Variants in ALDH1A2 observed in about 807,000 individuals in gnomAD.
The protein encoded by ALDH1A2 is aldehyde dehydrogenase 1 family member A2, also known as retinal dehydrogenase 2.
In ALDH1A2, 27 loss-of-function variants were observed where a neutral mutation model predicts 60.3. The observed-to-expected ratio is 0.45, with a 90% CI of 0.33 to 0.62. The LOEUF is 0.62. Among genes scored for constraint, ALDH1A2 ranks in the 20% least tolerant of loss-of-function variants. The pLI is 0.02. For synonymous variants in ALDH1A2, 289 were observed against 232.4 expected (o/e 1.24, Z -2.21); for missense variants, 581 against 643.8 (o/e 0.90, Z 1.06).
Position 57,962,099 on chromosome 15 carries a change from T to A in ALDH1A2, c.1164A>T (p.Gly388=). 1.2e-6 allele frequency: 2 copies of A among 1,614,162 alleles called. No homozygotes were observed. The highest frequency in any genetic ancestry group is 1.7e-6 in the Non-Finnish European group (2 of 1,180,014). ...GVAEGAKLEC[G]GKGLGRKGFF... is the part of the protein sequence containing the mutation. ...ACCCCTTTCGGCCCAGTCCTTTGCC[T>A]CCACATTCCAGCTTGGCGCCCTCAG... is the stretch of plus-strand genomic sequence containing the variant. Residue 388 remains glycine (G), a synonymous_variant, in exon 10 of 13, where the codon GGA becomes GGT. Coordinates refer to ENST00000249750, the MANE Select transcript of ALDH1A2 (RefSeq NM_003888.4).
chr15:58,038,494 G>A (rs1896432616), intron 1 of ALDH1A2: 1 of 151,714 alleles, frequency 6.6e-6, no homozygotes, highest in South Asian at 2.1e-4. Flanking sequence ...CCAGTTACGT[G>A]TAATCAGGGT....
chr15:58,002,756 C>G lies in ALDH1A2; in HGVS notation c.494-7617G>C, dbSNP rs909847865. ...GTAACACAATTCAGTGAATGAAGGT[C>G]ATCTTCCAATCCCTAATTTGTAGAC... On this transcript the variant is annotated intron_variant, in intron 4 of 12. Coordinates refer to ENST00000249750, the MANE Select transcript of ALDH1A2 (RefSeq NM_003888.4). 2.6e-5 allele frequency among the ~76,000 whole-genome samples: 4 copies of G among 151,918 alleles called. 1 individual carries two copies. Among genetic ancestry groups the G allele is most frequent in the Non-Finnish European group, 4.4e-5 (3 of 67,902 alleles).
intron 4 of ALDH1A2, among the ~76,000 whole-genome samples, chr15:58,004,793 T>C (rs1431867649): frequency 6.7e-6 from 1 of 148,846 alleles, no homozygotes. Flanking sequence ...TTATTTACAA[T>C]AGCCCCTCCA....
At chr15:58,012,847 A>G (rs1200501629) in intron 3 of ALDH1A2, among the ~76,000 whole-genome samples, 1 of 152,124 alleles carries the variant, frequency 6.6e-6, no homozygotes, top group East Asian at 1.9e-4. Flanking sequence ...CTATTTTCCC[A>G]AGTAGGGGAA....
intron 7 of ALDH1A2, among the ~76,000 whole-genome samples, chr15:57,989,004 TTAAGATAAAAAAAA>T (rs1894805287): frequency 8.4e-6 from 1 of 118,820 alleles, no homozygotes; most frequent in Non-Finnish European, 2.0e-5. Context: ...CCATCTCTAC[TTAAGATAAAAAAAA>T]TTAGCCAGGC....
intron 8 of ALDH1A2, chr15:57,964,362 G>T: frequency 2.8e-6 from 1 of 352,088 alleles, no homozygotes; most frequent in Non-Finnish European, 5.3e-6. Flanking sequence ...GGGAGATAAG[G>T]TACAGGTATG....
chr15:57,961,883 G>C, intron 10 of ALDH1A2, 129 bp downstream of exon 10: 1 of 1,298,350 alleles, frequency 7.7e-7, no homozygotes, highest in Non-Finnish European at 1.1e-6. Flanking sequence ...TCATAGCCAT[G>C]TTCATTACTG....
Position 57,954,852 on chromosome 15 carries a change from TGAGAG to T in ALDH1A2, c.*340_*344del, listed in dbSNP as rs753920947. 1 of 333,008 alleles carries T rather than the reference TGAGAG, an allele frequency of 3.0e-6. No individual in the cohort carries two copies. The highest frequency in any genetic ancestry group is 2.1e-5 in the African/African-American group (1 of 47,748). The allele number at this position is 333,008 out of a possible 1,614,324, so 20.6% of individuals were successfully genotyped here. ...AGACAGGAGAAAGGTCACCTTTCCT[TGAGAG>T]GAAAGTTCTTTGTGACAAAGACATG... On this transcript the variant is annotated 3_prime_UTR_variant, in exon 13 of 13. Coordinates refer to ENST00000249750, the MANE Select transcript of ALDH1A2 (RefSeq NM_003888.4).
intron 7 of ALDH1A2, chr15:57,979,893 G>A: frequency 2.8e-6 from 1 of 360,204 alleles, no homozygotes; most frequent in Non-Finnish European, 5.7e-6. Context: ...TACCCTGGGT[G>A]TAGCCCATCT....
chr15:57,988,991 A>T (rs1438222907), intron 7 of ALDH1A2, among the ~76,000 whole-genome samples: 2 of 145,988 alleles, frequency 1.4e-5, no homozygotes, highest in African/African-American at 5.0e-5. Flanking sequence ...ACATGGTGAA[A>T]CCCCATCTCT....
chr15:58,008,647 G>T (rs529529662), intron 4 of ALDH1A2, among the ~76,000 whole-genome samples: 8 of 152,186 alleles, frequency 5.3e-5, no homozygotes, highest in African/African-American at 1.7e-4. Context: ...TAAATAGTTT[G>T]AAAAGATATT....
rs1383775611 is a variant in ALDH1A2 at position 58,014,297 on chromosome 15, A to G, written c.118-16T>C. 6.3e-7 allele frequency: 1 copy of G among 1,591,656 alleles called. No individual in the cohort carries two copies. The highest frequency in any genetic ancestry group is 2.2e-5 in the East Asian group (1 of 44,796). On this transcript the variant is annotated splice_polypyrimidine_tract_variant and intron_variant, in intron 1 of 12. Transcript: ENST00000249750. ...TTATAAAGATCTAAGGGAGTAGATA[A>G]CAGAATGGGATCTGTGACACAGGTG... is the stretch of plus-strand genomic sequence containing the variant.
chr15:58,020,516 T>G (rs1419159366), intron 1 of ALDH1A2, among the ~76,000 whole-genome samples: 5 of 152,134 alleles, frequency 3.3e-5, no homozygotes, highest in South Asian at 2.1e-4. Flanking sequence ...ACATATGTAA[T>G]ATAAATGCAA....
At chr15:58,041,728 G>T (rs1191381565) in intron 1 of ALDH1A2, among the ~76,000 whole-genome samples, 2 of 151,864 alleles carry the variant, frequency 1.3e-5, no homozygotes, top group Non-Finnish European at 2.9e-5. Flanking sequence ...CCTTTGTATA[G>T]GAGTCCTCCT....
chr15:57,999,425 A>C (rs1325229266), intron 4 of ALDH1A2, among the ~76,000 whole-genome samples: 2 of 152,050 alleles, frequency 1.3e-5, no homozygotes, highest in African/African-American at 4.8e-5. Context: ...ACGCAGCCAA[A>C]AAACATGAAA....
intron 1 of ALDH1A2, among the ~76,000 whole-genome samples, chr15:58,050,741 C>A (rs1896753805): frequency 6.6e-6 from 1 of 152,142 alleles, no homozygotes; most frequent in Non-Finnish European, 1.5e-5. Context: ...GTTCTAGTCA[C>A]TAAAGCCTAT....
At chr15:57,979,537 T>G (rs144617243) in intron 7 of ALDH1A2, among the ~76,000 whole-genome samples, 2,094 of 152,166 alleles carry the variant, frequency 0.014, 56 homozygotes, top group African/African-American at 0.047. Flanking sequence ...TGGTGGCTCA[T>G]TCCTGCGAAG....
At chr15:58,026,010 C>A (rs1896069377) in intron 1 of ALDH1A2, among the ~76,000 whole-genome samples, 1 of 152,124 alleles carries the variant, frequency 6.6e-6, no homozygotes, top group African/African-American at 2.4e-5. Flanking sequence ...GATCACATTG[C>A]CACATGAGAT....
intron 4 of ALDH1A2, among the ~76,000 whole-genome samples, chr15:58,006,439 A>C (rs1404478099): frequency 1.3e-5 from 2 of 151,896 alleles, no homozygotes; most frequent in Non-Finnish European, 2.9e-5. Flanking sequence ...GGTTGGTACC[A>C]TATTTTTGCA....
Sources: allele counts gnomAD v4.1 joint callset (sites outside exome capture counted in the v4.1 genomes callset), GRCh38; gene constraint gnomAD v4.1.1; transcripts MANE v1.5; gene names NCBI Gene and HGNC (gene_info 2026-07-23, HGNC 2026-07-21).